LRRFIP2: variants seen among roughly 807,000 people sequenced by gnomAD.
The protein encoded by LRRFIP2 is leucine-rich repeat flightless-interacting protein 2.
In LRRFIP2, 109 loss-of-function variants were observed where a neutral mutation model predicts 125.9. That is an observed-to-expected ratio of 0.87 (90% CI 0.74 to 1.01). The LOEUF (loss-of-function observed/expected upper bound fraction) is 1.01, where lower values mean the gene tolerates loss of function less well. Among genes scored for constraint, LRRFIP2 ranks in the 50% least tolerant of loss-of-function variants. The pLI, the probability that LRRFIP2 is intolerant of heterozygous loss-of-function variation, is 0.00. For synonymous variants in LRRFIP2, 291 were observed against 293.1 expected (o/e 0.99, Z 0.07); for missense variants, 850 against 862.3 (o/e 0.99, Z 0.18).
chr3:37,059,584 C>T (rs930913306), intron 24 of LRRFIP2, among the ~76,000 whole-genome samples: 1 of 151,992 alleles, frequency 6.6e-6, no homozygotes, highest in Admixed American at 6.6e-5. Context: ...GTCAAGAGAT[C>T]GAGGCCATCC....
intron 21 of LRRFIP2, among the ~76,000 whole-genome samples, chr3:37,071,983 T>C (rs911697150): frequency 2.0e-5 from 3 of 152,238 alleles, no homozygotes; most frequent in South Asian, 2.1e-4. Context: ...GGGGGAGTTC[T>C]GTGGTTATAA....
At chr3:37,109,737 C>T in intron 9 of LRRFIP2, 34 bp from the exon 10 acceptor site, 1 of 1,596,872 alleles carries the variant, frequency 6.3e-7, no homozygotes, top group Non-Finnish European at 8.6e-7. Flanking sequence ...TAAGCAAAAA[C>T]AAAAACAAAG....
At chr3:37,091,280 C>CT (rs1402367765) in intron 18 of LRRFIP2, among the ~76,000 whole-genome samples, 187 bp downstream of exon 18, 1 of 151,752 alleles carries the variant, frequency 6.6e-6, no homozygotes. Flanking sequence ...AAAAACTGTA[C>CT]TACACATTTA....
Position 37,083,668 on chromosome 3 carries a change from C to G in LRRFIP2, c.1246G>C (p.Glu416Gln). ...TTTTCTTCATTTTCTCTATAAAATT[C>G]TGCCATCTGTTCCTCCTGCTCTTCA... ...VIEEQEEQMA[E>Q]FYRENEEKSK... Residue 416 changes from glutamate (E) to glutamine (Q), a missense_variant, in exon 19 of 28, where the codon GAA becomes CAA. Glu to Gln is a conservative substitution (Grantham distance 29, BLOSUM62 2). Coordinates refer to ENST00000336686, the MANE Select transcript of LRRFIP2 (RefSeq NM_006309.4). 1 of 1,565,030 alleles carries G rather than the reference C, an allele frequency of 6.4e-7. No homozygotes were observed. The highest frequency in any genetic ancestry group is 8.6e-7 in the Non-Finnish European group (1 of 1,163,976).
At chr3:37,083,904 T>C in intron 18 of LRRFIP2, 98 bp from the exon 19 acceptor site, 1 of 890,214 alleles carries the variant, frequency 1.1e-6, no homozygotes, top group Non-Finnish European at 1.7e-6. Flanking sequence ...CACATAAAGA[T>C]GCATTTTCAT....
intron 21 of LRRFIP2, among the ~76,000 whole-genome samples, chr3:37,068,992 T>C (rs1376372115): frequency 5.3e-5 from 8 of 152,154 alleles, no homozygotes; most frequent in African/African-American, 1.9e-4. Flanking sequence ...TAAATGTAAA[T>C]CTTAAAAATG....
rs2090126981 is a variant in LRRFIP2 at position 37,066,281 on chromosome 3, C to T, written c.1509G>A (p.Glu503=). 1 of 1,614,152 alleles carries T rather than the reference C, an allele frequency of 6.2e-7. No homozygotes were observed. Among genetic ancestry groups the T allele is most frequent in the South Asian group, 1.1e-5 (1 of 91,084 alleles). The change falls in exon 22 of 28, where the codon GAG becomes GAA. Residue 503 remains glutamate, a synonymous_variant. Transcript: ENST00000336686. ...QKEYIACLRN[E]RDMLREELAD... is the part of the protein sequence containing the mutation. ...CCAGCTCCTCTCTGAGCATATCTCG[C>T]TCATTCCTAAGGCAGGCAATGTATT...
At chr3:37,088,712 G>T (rs940310888) in intron 18 of LRRFIP2, among the ~76,000 whole-genome samples, 1 of 151,930 alleles carries the variant, frequency 6.6e-6, no homozygotes, top group African/African-American at 2.4e-5. Context: ...GCTTAGGATC[G>T]CTTGAGTCCA....
chr3:37,102,301 G>GGAAAAAAAGGAGGGAAGGGGGAA (rs2094105050), intron 15 of LRRFIP2, among the ~76,000 whole-genome samples: 1 of 151,572 alleles, frequency 6.6e-6, no homozygotes, highest in Non-Finnish European at 1.5e-5. Context: ...AATAACTCAG[G>GGAAAAAAAGGAGGGAAGGGGGAA]GAAAAAAAGG....
At chr3:37,082,537 G>A (rs922618182) in intron 19 of LRRFIP2, among the ~76,000 whole-genome samples, 1 of 151,848 alleles carries the variant, frequency 6.6e-6, no homozygotes, top group African/African-American at 2.4e-5. Flanking sequence ...ATCACCCAAA[G>A]TCCAGAGTTT....
At chr3:37,080,455 T>G (rs2092541141) in intron 19 of LRRFIP2, among the ~76,000 whole-genome samples, 1 of 151,538 alleles carries the variant, frequency 6.6e-6, no homozygotes, top group Non-Finnish European at 1.5e-5. Context: ...TAAAATAAAT[T>G]GGTAATGATA....
intron 19 of LRRFIP2, among the ~76,000 whole-genome samples, chr3:37,077,766 T>A (rs563535690): frequency 6.6e-6 from 1 of 152,192 alleles, no homozygotes; most frequent in Non-Finnish European, 1.5e-5. Flanking sequence ...TGGCCATTGA[T>A]AGATGAATGC....
chr3:37,103,395 C>G (rs2094170953), intron 14 of LRRFIP2, among the ~76,000 whole-genome samples: 1 of 152,166 alleles, frequency 6.6e-6, no homozygotes, highest in African/African-American at 2.4e-5. Context: ...GCTATCAACT[C>G]TGTTAAGAAT....
rs760832152 is a variant in LRRFIP2, at chr3:37,127,659, G to A, written c.199C>T (p.Arg67Trp). 3.7e-5 allele frequency: 59 copies of A among 1,613,706 alleles called. No individual in the cohort carries two copies. Among genetic ancestry groups the A allele is most frequent in the East Asian group, 6.7e-5 (3 of 44,826 alleles). Residue 67 changes from arginine to tryptophan, a missense_variant, in exon 4 of 28, where the codon CGG becomes TGG. Coordinates refer to ENST00000336686, the MANE Select transcript of LRRFIP2 (RefSeq NM_006309.4). ...CACTTCTGAATCTGTCCCCACTTCC[G>A]ATCAAAGGAATGAAGAGAGTACTAG... is the stretch of plus-strand genomic sequence containing the variant. ...QKEYSLHSFD[R>W]KWGQIQKWLE...
intron 18 of LRRFIP2, among the ~76,000 whole-genome samples, chr3:37,085,665 T>A (rs1192114853): frequency 6.7e-6 from 1 of 150,004 alleles, no homozygotes; most frequent in African/African-American, 2.5e-5. Context: ...CACTGCAACC[T>A]CCACCTCCCG....
At chr3:37,161,148 A>G (rs1042034693) in intron 1 of LRRFIP2, among the ~76,000 whole-genome samples, 1 of 144,518 alleles carries the variant, frequency 6.9e-6, no homozygotes, top group Non-Finnish European at 1.5e-5. Context: ...ATTGGAGACC[A>G]GCCTGGTCAA....
At chr3:37,061,051 T>G (rs2088507610) in intron 24 of LRRFIP2, among the ~76,000 whole-genome samples, 1 of 152,190 alleles carries the variant, frequency 6.6e-6, no homozygotes, top group Non-Finnish European at 1.5e-5. Context: ...CCCTTGGTGA[T>G]GAGTGAGTTC....
intron 18 of LRRFIP2, among the ~76,000 whole-genome samples, chr3:37,089,023 A>G (rs934823733): frequency 2.6e-5 from 4 of 152,060 alleles, no homozygotes; most frequent in East Asian, 1.9e-4. Flanking sequence ...GACTTCATAT[A>G]TATTTTTAAT....
intron 2 of LRRFIP2, chr3:37,135,029 A>G: frequency 2.7e-6 from 4 of 1,464,638 alleles, no homozygotes; most frequent in Non-Finnish European, 3.8e-6. Context: ...GCCAGAGAGC[A>G]CACGGATCCA....
Sources: gnomAD v4.1 joint callset for allele counts (sites outside exome capture counted in the v4.1 genomes callset) on GRCh38, gnomAD v4.1.1 for gene constraint, MANE v1.5 for transcripts, NCBI Gene and HGNC (gene_info 2026-07-23, HGNC 2026-07-21) for gene names.